Variants in RIPK4 observed in about 807,000 individuals in gnomAD.
RIPK4 encodes receptor-interacting serine/threonine-protein kinase 4.
Under a neutral mutation model 42.9 loss-of-function variants are expected in RIPK4, and 17 were observed. The ratio of observed to expected loss-of-function variants is 0.40; its 90% CI spans 0.27 to 0.59. The LOEUF is 0.59. RIPK4 is among the 20% of genes least tolerant of loss of function. RIPK4 has a pLI of 0.47. For synonymous variants in RIPK4, 498 were observed against 499.1 expected, an observed-to-expected ratio of 1.00 and a Z score of 0.03; for missense variants, 897 against 1,104.4, an observed-to-expected ratio of 0.81 and a Z score of 2.66.
chr21:41,755,823 G>C lies in RIPK4; in HGVS notation c.474+702C>G, dbSNP rs112907771. Among the ~76,000 whole-genome samples, 31 of 152,210 alleles carry C rather than the reference G, an allele frequency of 2.0e-4. No individual in the cohort carries two copies. The highest frequency in any genetic ancestry group is 6.0e-4 in the African/African-American group (25 of 41,446). ...CCTAGCCACGAAGGCCATCAAAGGA[G>C]ATACAAGGAAATACAGCCCTGATGC... On this transcript the variant is annotated intron_variant, in intron 2 of 7. Coordinates refer to ENST00000332512, the MANE Select transcript of RIPK4 (RefSeq NM_020639.3). This position sits in a 1 kb window ranked among gnomAD's most constrained non-coding sequence, Gnocchi z 4.2.
intron 1 of RIPK4, among the ~76,000 whole-genome samples, chr21:41,760,325 G>A (rs919870127): frequency 6.6e-6 from 1 of 152,172 alleles, no homozygotes; most frequent in African/African-American, 2.4e-5. Flanking sequence ...TCCCTTTCCC[G>A]CCTTCATGGT....
rs776010619 is a variant in RIPK4 at position 41,741,940 on chromosome 21, T to C, written c.1253A>G (p.Asp418Gly). The part of the protein sequence containing the change: ...KKLVDAIVSG[D>G]TSKLMKILQP... ...CAGGATCTTCATCAGTTTGCTGGTGTCCCCGGACACGATGGCATCCACAAG... is the reference window on the plus strand; with the variant it reads ...CAGGATCTTCATCAGTTTGCTGGTGCCCCCGGACACGATGGCATCCACAAG... The change falls in exon 8 of 8, where the codon GAC (aspartate) becomes GGC (glycine). Residue 418 changes from aspartate to glycine, a missense_variant. Transcript: ENST00000332512. 6.2e-7 allele frequency: 1 copy of C among 1,610,628 alleles called. No homozygotes were observed. The highest frequency in any genetic ancestry group is 1.7e-5 in the Admixed American group (1 of 59,924).
rs2061154377 is a variant in RIPK4, at chr21:41,741,605, C to G, written c.1588G>C (p.Val530Leu). 6.2e-7 allele frequency: 1 copy of G among 1,612,408 alleles called. No individual in the cohort carries two copies. The highest frequency in any genetic ancestry group is 1.1e-5 in the South Asian group (1 of 91,094). The change falls in exon 8 of 8, where the codon GTC (valine) becomes CTC (leucine). Residue 530 changes from valine (V) to leucine (L), a missense_variant. Transcript: ENST00000332512. ...CGGCCCTCAAAGTCCACCTCGTTGA[C>G]CGAGGCGTTCTTCTCCAACAGCAGC... Reference protein sequence around the residue: ...TRLLLEKNASVNEVDFEGRTP... With the variant: ...TRLLLEKNASLNEVDFEGRTP...
chr21:41,764,437 G>C (rs2309107), intron 1 of RIPK4, among the ~76,000 whole-genome samples: 7 of 151,924 alleles, frequency 4.6e-5, no homozygotes, highest in Non-Finnish European at 8.8e-5. Flanking sequence ...GCCCAGACCC[G>C]TGTGTCAGGG....
chr21:41,765,989 G>C (rs1225056218), intron 1 of RIPK4, among the ~76,000 whole-genome samples: 2 of 152,210 alleles, frequency 1.3e-5, no homozygotes, highest in East Asian at 3.8e-4. Flanking sequence ...CTTCCCATTC[G>C]TCTTTGTTAC....
chr21:41,744,380 G>A (rs533762601), intron 6 of RIPK4, among the ~76,000 whole-genome samples: 9 of 150,920 alleles, frequency 6.0e-5, no homozygotes, highest in Non-Finnish European at 1.2e-4. Context: ...CCCCGCGCCC[G>A]CACAGTGCCG....
At chr21:41,762,440 C>T (rs969174209) in intron 1 of RIPK4, among the ~76,000 whole-genome samples, 3 of 152,242 alleles carry the variant, frequency 2.0e-5, no homozygotes, top group Non-Finnish European at 2.9e-5. Flanking sequence ...CACACGACCC[C>T]GCCTTCCAGC....
chr21:41,747,125 C>T (rs2061174419), intron 4 of RIPK4, among the ~76,000 whole-genome samples: 2 of 152,220 alleles, frequency 1.3e-5, no homozygotes, highest in Non-Finnish European at 2.9e-5. Flanking sequence ...CATCAACAGC[C>T]CAAGCCAGCA....
chr21:41,745,864 T>C lies in RIPK4; in HGVS notation c.833-2A>G. On this transcript the variant is annotated splice_acceptor_variant, in intron 5 of 7. Coordinates refer to ENST00000332512, the MANE Select transcript of RIPK4 (RefSeq NM_020639.3). LOFTEE classifies it high-confidence loss of function. ...GGTCCTCGGTTTCAGAAGTAATTTC[T>C]TGTGGGGAAGAAAGGGGACATGTCA... 1 of 1,611,446 alleles carries C rather than the reference T, an allele frequency of 6.2e-7. No homozygotes were observed. Among genetic ancestry groups the C allele is most frequent in the Non-Finnish European group, 8.5e-7 (1 of 1,177,544 alleles).
At chr21:41,750,230 C>T (rs1358074501) in intron 3 of RIPK4, among the ~76,000 whole-genome samples, 1 of 152,190 alleles carries the variant, frequency 6.6e-6, no homozygotes, top group Non-Finnish European at 1.5e-5. Context: ...ATGCGGGGTC[C>T]GAGTCACAGT....
intron 2 of RIPK4, 147 bp downstream of exon 2, chr21:41,756,378 G>C: frequency 1.0e-6 from 1 of 992,796 alleles, no homozygotes; most frequent in Admixed American, 2.6e-5. Context: ...TGCTGCAAAA[G>C]GCCTCGGTTT....
chr21:41,747,511 C>T (rs1181131486), intron 4 of RIPK4, among the ~76,000 whole-genome samples: 2 of 152,166 alleles, frequency 1.3e-5, no homozygotes, highest in Non-Finnish European at 2.9e-5. Context: ...GCCCTCTCTG[C>T]CCTCCAGATC....
At position 41,743,516 on chromosome 21, in the gene RIPK4, C is replaced by A. The variant is rs1295014721; in HGVS notation, c.1195+366G>T. On this transcript the variant is annotated intron_variant, in intron 7 of 7. Transcript: ENST00000332512. Reference sequence around the variant, plus strand: ...CCCAGCAGCGTCTGAGCAGAGGGTGCGGGACTGCCACGCCCGAGACAGGAG... The same window carrying A: ...CCCAGCAGCGTCTGAGCAGAGGGTGAGGGACTGCCACGCCCGAGACAGGAG... 2.6e-5 allele frequency among the ~76,000 whole-genome samples: 4 copies of A among 152,276 alleles called. No homozygotes were observed. The East Asian group carries it at 7.7e-4, about 29-fold the overall frequency.
rs139944700 is a variant in RIPK4, at chr21:41,741,261, G to A, written c.1932C>T (p.Ala644=). The stretch of plus-strand genomic sequence containing the variant: ...CAGTGCTCGTGTGCCCCGTCTCCGC[G>A]GCCACGTGCAGGGGTGTCTGTGCCA... The part of the protein sequence containing the change: ...SLLAQTPLHV[A]AETGHTSTAR... The change falls in exon 8 of 8, where the codon GCC becomes GCT. Residue 644 remains alanine (A), a synonymous_variant. Coordinates refer to ENST00000332512, the MANE Select transcript of RIPK4 (RefSeq NM_020639.3). The A allele has an allele frequency of 4.0e-5, 65 of 1,608,504 alleles. No individual in the cohort carries two copies. The highest frequency in any genetic ancestry group is 2.9e-4 in the African/African-American group (22 of 75,036).
In RIPK4 at chr21:41,741,566, C is replaced by T. The variant is rs777545499; in HGVS notation, c.1627G>A (p.Val543Met). Reference sequence around the variant, plus strand: ...TTCTCCTGCCCGTGCTGGCAGGCCACGTGCATGGGCGTCCGGCCCTCAAAG... The same window carrying T: ...TTCTCCTGCCCGTGCTGGCAGGCCATGTGCATGGGCGTCCGGCCCTCAAAG... ...VDFEGRTPMHVACQHGQENIV... is the reference protein window; with the variant it reads ...VDFEGRTPMHMACQHGQENIV... The change falls in exon 8 of 8, where the codon GTG becomes ATG. Residue 543 changes from valine (V) to methionine (M), a missense_variant. Transcript: ENST00000332512. The T allele has an allele frequency of 3.1e-6, 5 of 1,611,756 alleles. No homozygotes were observed. Among genetic ancestry groups the T allele is most frequent in the East Asian group, 4.5e-5 (2 of 44,866 alleles).
intron 1 of RIPK4, among the ~76,000 whole-genome samples, chr21:41,762,934 C>T (rs764767486): frequency 2.7e-5 from 4 of 150,440 alleles, no homozygotes; most frequent in Admixed American, 1.3e-4. Flanking sequence ...TCTGGGTTGA[C>T]CAGAAGCCCC....
Position 41,741,107 on chromosome 21 carries a change from C to A in RIPK4, c.2086G>T (p.Val696Leu). Residue 696 changes from valine (V) to leucine (L), a missense_variant, in exon 8 of 8, where the codon GTG (valine) becomes TTG (leucine). Coordinates refer to ENST00000332512, the MANE Select transcript of RIPK4 (RefSeq NM_020639.3). ...TGGTTCAGGGGTCCCCGGGCCAGCA[C>A]ATCGGCCTTCTCCTCGACAAGCAGC... ...VKLLVEEKAD[V>L]LARGPLNQTA... is the part of the protein sequence containing the mutation. 1 of 1,612,626 alleles carries A rather than the reference C, an allele frequency of 6.2e-7. No individual in the cohort carries two copies. Among genetic ancestry groups the A allele is most frequent in the Non-Finnish European group, 8.5e-7 (1 of 1,179,852 alleles).
chr21:41,753,040 T>C (rs949765823), intron 2 of RIPK4, among the ~76,000 whole-genome samples: 4 of 152,282 alleles, frequency 2.6e-5, no homozygotes, highest in Admixed American at 1.3e-4. Context: ...ACATACTTTC[T>C]AGGCAATTCC....
At chr21:41,743,479 C>T (rs906248228) in intron 7 of RIPK4, among the ~76,000 whole-genome samples, 2 of 152,228 alleles carry the variant, frequency 1.3e-5, no homozygotes, top group East Asian at 1.9e-4. Flanking sequence ...TATGCGAAGG[C>T]GTGGGTGTGT....
Sources: gnomAD v4.1 joint callset for allele counts (sites outside exome capture counted in the v4.1 genomes callset) on GRCh38, gnomAD v4.1.1 for gene constraint, Gnocchi (gnomAD v3.1) non-coding constraint, MANE v1.5 for transcripts, NCBI Gene and HGNC (gene_info 2026-07-23, HGNC 2026-07-21) for gene names.